The following MACROD2 variants were observed in gnomAD, a reference collection of about 807,000 sequenced individuals.
MACROD2 encodes ADP-ribose glycohydrolase MACROD2.
A neutral mutation model predicts 70.4 loss-of-function variants in MACROD2; 36 were observed. That is an observed-to-expected ratio of 0.51 (90% confidence interval 0.39 to 0.68). The LOEUF is 0.68. Ranked by LOEUF, MACROD2 falls within the 30% of genes least tolerant of loss-of-function variation. The probability of loss-of-function intolerance (pLI) is 0.00; values close to 1 mark genes in which losing one functional copy is unlikely to be tolerated. For synonymous variants in MACROD2, 172 were observed against 178.8 expected, an observed-to-expected ratio of 0.96 and a Z score of 0.30; for missense variants, 496 against 538.4, an observed-to-expected ratio of 0.92 and a Z score of 0.78.
intron 15 of MACROD2, among the ~76,000 whole-genome samples, chr20:15,990,573 T>A (rs1171972539): frequency 6.6e-6 from 1 of 152,228 alleles, no homozygotes; most frequent in Non-Finnish European, 1.5e-5. Flanking sequence ...TACCTAAGAT[T>A]GAGCAAAATG....
intron 5 of MACROD2, among the ~76,000 whole-genome samples, chr20:14,754,976 T>C (rs2071921414): frequency 6.6e-6 from 1 of 152,062 alleles, no homozygotes; most frequent in South Asian, 2.1e-4. Flanking sequence ...TGGCTTACGA[T>C]AAGCAAAAGT....
intron 10 of MACROD2, among the ~76,000 whole-genome samples, chr20:15,905,840 G>A (rs2065139425): frequency 6.6e-6 from 1 of 152,184 alleles, no homozygotes; most frequent in African/African-American, 2.4e-5. Flanking sequence ...CCTTGCTCAA[G>A]TGTGCCTGTT....
intron 5 of MACROD2, among the ~76,000 whole-genome samples, chr20:14,975,477 G>A (rs557636314): frequency 9.2e-5 from 14 of 152,222 alleles, no homozygotes; most frequent in East Asian, 5.8e-4. Context: ...GAGGGAAGGC[G>A]CAGGGAAGCA....
At chr20:14,337,869 G>A (rs2082966752) in intron 3 of MACROD2, among the ~76,000 whole-genome samples, 1 of 152,204 alleles carries the variant, frequency 6.6e-6, no homozygotes, top group Non-Finnish European at 1.5e-5. Context: ...CTACAAGGCA[G>A]TGGTAGCATA....
chr20:14,926,803 T>C (rs140624403), intron 5 of MACROD2, among the ~76,000 whole-genome samples: 146 of 152,214 alleles, frequency 9.6e-4, no homozygotes, highest in African/African-American at 3.4e-3. Context: ...GCCACCTGTA[T>C]AGTGGGCTGC....
chr20:14,770,810 A>G (rs1202614220), intron 5 of MACROD2, among the ~76,000 whole-genome samples: 1 of 152,136 alleles, frequency 6.6e-6, no homozygotes, highest in Non-Finnish European at 1.5e-5. Flanking sequence ...TGGAAGTTGT[A>G]AAACCTGTGG....
At chr20:15,709,340 A>G (rs373464247) in intron 8 of MACROD2, among the ~76,000 whole-genome samples, 103 of 152,282 alleles carry the variant, frequency 6.8e-4, no homozygotes, top group African/African-American at 2.3e-3. Flanking sequence ...TTTAATATAG[A>G]AGACTTTTAA....
intron 6 of MACROD2, among the ~76,000 whole-genome samples, chr20:15,315,886 A>G (rs1043259182): frequency 2.6e-5 from 4 of 152,174 alleles, no homozygotes; most frequent in Non-Finnish European, 5.9e-5. Flanking sequence ...TAATTGCCTC[A>G]CAGTGCATAA....
chr20:15,682,727 CTGTT>C (rs1257519993), intron 8 of MACROD2, among the ~76,000 whole-genome samples: 2 of 152,166 alleles, frequency 1.3e-5, no homozygotes, highest in Non-Finnish European at 1.5e-5. Context: ...CCCTGCAACT[CTGTT>C]TGTGTTAAAG....
chr20:14,868,603 C>T (rs570463524), intron 5 of MACROD2, among the ~76,000 whole-genome samples: 24 of 152,228 alleles, frequency 1.6e-4, no homozygotes, highest in South Asian at 6.2e-4. Flanking sequence ...ACTTTGCATA[C>T]TGGACTAGAA....
At chr20:15,227,352 A>G (rs998315359) in intron 5 of MACROD2, among the ~76,000 whole-genome samples, 2 of 149,850 alleles carry the variant, frequency 1.3e-5, no homozygotes, top group African/African-American at 2.5e-5. Flanking sequence ...TCTCTCCCTT[A>G]TCCCTCCCTC....
intron 8 of MACROD2, among the ~76,000 whole-genome samples, chr20:15,744,913 A>T (rs1459158720): frequency 6.6e-6 from 1 of 151,446 alleles, no homozygotes; most frequent in East Asian, 1.9e-4. Context: ...TATAAATGTG[A>T]GTTGTATCTC....
intron 6 of MACROD2, among the ~76,000 whole-genome samples, chr20:15,325,676 G>A (rs1026185987): frequency 1.3e-5 from 2 of 152,144 alleles, no homozygotes; most frequent in African/African-American, 2.4e-5. Context: ...CCTAACTTAT[G>A]CAGTGTAATC....
chr20:15,755,105 T>A (rs1324493529), intron 8 of MACROD2, among the ~76,000 whole-genome samples: 1 of 152,148 alleles, frequency 6.6e-6, no homozygotes, highest in African/African-American at 2.4e-5. Flanking sequence ...GTGATCCACC[T>A]GCATCGGCCT....
intron 4 of MACROD2, among the ~76,000 whole-genome samples, chr20:14,505,366 A>G (rs1252493155): frequency 1.3e-5 from 2 of 152,190 alleles, no homozygotes; most frequent in Non-Finnish European, 2.9e-5. Flanking sequence ...AAATCTGTCT[A>G]GTGTTTCTTT....
chr20:15,269,928 A>G (rs892732533), intron 6 of MACROD2, among the ~76,000 whole-genome samples: 11 of 152,182 alleles, frequency 7.2e-5, no homozygotes, highest in Admixed American at 7.2e-4. Flanking sequence ...TAGGATAATA[A>G]CACCTTAAGC....
intron 9 of MACROD2, among the ~76,000 whole-genome samples, chr20:15,865,612 T>C (rs1188294105): frequency 6.6e-6 from 1 of 152,172 alleles, no homozygotes; most frequent in Non-Finnish European, 1.5e-5. Flanking sequence ...ATAGTCACTC[T>C]CCAGGAAAGC....
At chr20:14,317,476 G>A (rs1271320897) in intron 3 of MACROD2, among the ~76,000 whole-genome samples, 1 of 151,740 alleles carries the variant, frequency 6.6e-6, no homozygotes, top group Non-Finnish European at 1.5e-5. Flanking sequence ...ATTAGCTGGG[G>A]GTGGTGGCAT....
intron 5 of MACROD2, among the ~76,000 whole-genome samples, chr20:14,984,144 TC>T (rs1281740696): frequency 2.0e-5 from 3 of 152,204 alleles, no homozygotes; most frequent in African/African-American, 7.2e-5. Flanking sequence ...TTTGCTTTTT[TC>T]TCCCTCCAGC....
Sources: gnomAD v4.1 joint callset for allele counts (sites outside exome capture counted in the v4.1 genomes callset) on GRCh38, gnomAD v4.1.1 for gene constraint, MANE v1.5 for transcripts, NCBI Gene and HGNC (gene_info 2026-07-23, HGNC 2026-07-21) for gene names.